SCAMP1: variants seen among roughly 807,000 people sequenced by gnomAD.
The protein encoded by SCAMP1 is secretory carrier membrane protein 1.
A neutral mutation model predicts 41.8 loss-of-function variants in SCAMP1; 15 were observed. The ratio of observed to expected loss-of-function variants is 0.36; its 90% CI spans 0.24 to 0.55. The LOEUF is 0.55. SCAMP1 is among the 20% of genes least tolerant of loss of function. The pLI is 0.86. For synonymous variants in SCAMP1, 135 were observed against 136.8 expected (o/e 0.99, Z 0.09); for missense variants, 341 against 412.6 (o/e 0.83, Z 1.50).
rs180981045 is a variant in SCAMP1, at chr5:78,374,047, T to C, written c.57+13319T>C. Among the ~76,000 whole-genome samples, 706 of 152,164 alleles carry C rather than the reference T, an allele frequency of 4.6e-3. 13 individuals carry two copies. The highest frequency in any genetic ancestry group is 3.4e-3 in the Middle Eastern group (1 of 294). On this transcript the variant is annotated intron_variant, in intron 1 of 8. Coordinates refer to ENST00000621999, the MANE Select transcript of SCAMP1 (RefSeq NM_004866.6). ...TCATTGAAGATGGAGTAAGAGTAGG[T>C]TATTTAGTAACGTATATGAAACTCC...
intron 2 of SCAMP1, among the ~76,000 whole-genome samples, chr5:78,393,183 T>C (rs1453494208): frequency 1.3e-5 from 2 of 152,192 alleles, no homozygotes; most frequent in African/African-American, 2.4e-5. Context: ...TATATACATA[T>C]ATATATATTT....
At chr5:78,361,305 C>T (rs796583865) in intron 1 of SCAMP1, among the ~76,000 whole-genome samples, 1 of 152,080 alleles carries the variant, frequency 6.6e-6, no homozygotes, top group Non-Finnish European at 1.5e-5. Context: ...GCGCTGCCAT[C>T]CCCCCTCTTT....
At chr5:78,426,849 G>T (rs1242278560) in intron 6 of SCAMP1, among the ~76,000 whole-genome samples, 1 of 152,138 alleles carries the variant, frequency 6.6e-6, no homozygotes, top group Admixed American at 6.5e-5. Flanking sequence ...CTTTTACTTA[G>T]AATAACGTTT....
At chr5:78,464,926 GACTGT>G (rs1361919227) in intron 8 of SCAMP1, among the ~76,000 whole-genome samples, 1 of 152,168 alleles carries the variant, frequency 6.6e-6, no homozygotes, top group African/African-American at 2.4e-5. Flanking sequence ...ATTCTTGTCA[GACTGT>G]ACTGCTCGGT....
intron 6 of SCAMP1, among the ~76,000 whole-genome samples, chr5:78,436,304 T>G (rs915367270): frequency 7.9e-5 from 12 of 152,234 alleles, no homozygotes; most frequent in Non-Finnish European, 1.5e-5. Context: ...TGCCCATGCC[T>G]ATGTCCTGAA....
In SCAMP1 at chr5:78,360,621, C is replaced by CGT; in HGVS notation, c.-50_-49dup. 1 of 1,557,070 alleles carries CGT rather than the reference C, an allele frequency of 6.4e-7. No homozygotes were observed. Among genetic ancestry groups the CGT allele is most frequent in the African/African-American group, 1.4e-5 (1 of 72,728 alleles). The stretch of plus-strand genomic sequence containing the variant: ...GCGCAGGGGGGCGGCGGCCTCGCCT[C>CGT]GTCTCTCTCTCTGCGCCTGGGTCGG... On this transcript the variant is annotated 5_prime_UTR_variant, in exon 1 of 9. Transcript: ENST00000621999.
chr5:78,446,379 AG>A (rs766733028), intron 6 of SCAMP1, among the ~76,000 whole-genome samples: 11 of 152,192 alleles, frequency 7.2e-5, no homozygotes, highest in Non-Finnish European at 1.3e-4. Flanking sequence ...TAATGGACAT[AG>A]CTGTTGTGAA....
intron 6 of SCAMP1, among the ~76,000 whole-genome samples, chr5:78,445,317 G>A (rs1753027145): frequency 6.6e-6 from 1 of 152,194 alleles, no homozygotes; most frequent in Non-Finnish European, 1.5e-5. Flanking sequence ...AGTAGGCTTT[G>A]ATCTGAAAGA....
At chr5:78,431,132 A>T (rs1021290529) in intron 6 of SCAMP1, among the ~76,000 whole-genome samples, 1 of 152,044 alleles carries the variant, frequency 6.6e-6, no homozygotes, top group East Asian at 1.9e-4. Flanking sequence ...GCAGATACAG[A>T]TATAAGAAAC....
rs1561293132 is a variant in SCAMP1 at position 78,475,824 on chromosome 5, C to G, written c.*156C>G. 1 of 452,838 alleles carries G rather than the reference C, an allele frequency of 2.2e-6. No individual in the cohort carries two copies. Among genetic ancestry groups the G allele is most frequent in the East Asian group, 3.7e-5 (1 of 27,064 alleles). The allele number at this position is 452,838 out of a possible 1,614,324, so 28.1% of individuals were successfully genotyped here. ...GCTAAAACCAGGAAAACTTCCTTGT[C>G]TTATTACTTTACCTAATAGTTTCTT... On this transcript the variant is annotated 3_prime_UTR_variant, in exon 9 of 9. Transcript: ENST00000621999.
Position 78,390,040 on chromosome 5 carries a change from C to G in SCAMP1, c.135+1126C>G, listed in dbSNP as rs535376089. Among the ~76,000 whole-genome samples the G allele has an allele frequency of 5.6e-4, 85 of 152,302 alleles. No individual in the cohort carries two copies. The South Asian group carries it at 0.016, about 29-fold the overall frequency. On this transcript the variant is annotated intron_variant, in intron 2 of 8. Transcript: ENST00000621999. The stretch of plus-strand genomic sequence containing the variant: ...AAAGTTAGTCAGTATGGGCGGCAAT[C>G]TGTGACTTGTGACTGGTGACTTGGG...
intron 6 of SCAMP1, among the ~76,000 whole-genome samples, chr5:78,449,526 A>G (rs1212817506): frequency 6.6e-6 from 1 of 152,252 alleles, no homozygotes; most frequent in Non-Finnish European, 1.5e-5. Context: ...TGCTCATCAT[A>G]GTGATTGGGG....
In SCAMP1 at chr5:78,383,075, A is replaced by C. The variant is rs746212721; in HGVS notation, c.58-5762A>C. On this transcript the variant is annotated intron_variant, in intron 1 of 8. Transcript: ENST00000621999. ...TTTACATTTTCACCAACAGTGTAAA[A>C]GTGTTCCCTTTTTACCACATCCACA... 1.9e-4 allele frequency among the ~76,000 whole-genome samples: 29 copies of C among 152,284 alleles called. No homozygotes were observed. The South Asian group carries it at 2.5e-3, about 13-fold the overall frequency.
chr5:78,437,386 C>T (rs1561275938), intron 6 of SCAMP1, among the ~76,000 whole-genome samples: 1 of 152,202 alleles, frequency 6.6e-6, no homozygotes, highest in Non-Finnish European at 1.5e-5. Context: ...AGATATGTCC[C>T]ATCAATACCT....
Position 78,480,034 on chromosome 5 carries a change from A to G in SCAMP1, c.*4366A>G, listed in dbSNP as rs1331357777. ...GCACTCCAGCCTGGGCGACAGAGCGAGACTCCATCTCAAGAAAAAAAAAAA... is the reference window on the plus strand; with the variant it reads ...GCACTCCAGCCTGGGCGACAGAGCGGGACTCCATCTCAAGAAAAAAAAAAA... On this transcript the variant is annotated 3_prime_UTR_variant, in exon 9 of 9. Coordinates refer to ENST00000621999, the MANE Select transcript of SCAMP1 (RefSeq NM_004866.6). Among the ~76,000 whole-genome samples, 1 of 148,152 alleles carries G rather than the reference A, an allele frequency of 6.7e-6. No homozygotes were observed. The highest frequency in any genetic ancestry group is 2.6e-5 in the African/African-American group (1 of 38,810).
At chr5:78,433,678 G>A (rs116080909) in intron 6 of SCAMP1, among the ~76,000 whole-genome samples, 1 of 152,130 alleles carries the variant, frequency 6.6e-6, no homozygotes, top group Non-Finnish European at 1.5e-5. Flanking sequence ...CTTTGTGCCT[G>A]CCCCTCAGAG....
chr5:78,361,062 G>T (rs1267484232), intron 1 of SCAMP1: 1 of 244,556 alleles, frequency 4.1e-6, no homozygotes, highest in African/African-American at 2.3e-5. Context: ...GGCAGGTAGA[G>T]TCGCCCCTTG....
intron 1 of SCAMP1, among the ~76,000 whole-genome samples, chr5:78,369,299 G>A (rs1361392280): frequency 6.6e-6 from 1 of 152,184 alleles, no homozygotes; most frequent in African/African-American, 2.4e-5. Context: ...TAGAGACGGG[G>A]TTTCACCATG....
intron 5 of SCAMP1, among the ~76,000 whole-genome samples, chr5:78,420,638 A>C (rs1422391720): frequency 1.3e-5 from 2 of 152,188 alleles, no homozygotes; most frequent in Non-Finnish European, 1.5e-5. Context: ...ATTGAAGCTT[A>C]CAGAGGTTGA....
Sources: allele counts gnomAD v4.1 joint callset (sites outside exome capture counted in the v4.1 genomes callset), GRCh38; gene constraint gnomAD v4.1.1; transcripts MANE v1.5; gene names NCBI Gene and HGNC (gene_info 2026-07-23, HGNC 2026-07-21).